Variants in KIF5C observed in about 807,000 individuals in gnomAD.
The protein encoded by KIF5C is kinesin family member 5C.
A neutral mutation model predicts 125.2 loss-of-function variants in KIF5C; 18 were observed. The ratio of observed to expected loss-of-function variants is 0.14; its 90% CI spans 0.10 to 0.21. The LOEUF (loss-of-function observed/expected upper bound fraction) is 0.21. Ranked by LOEUF, KIF5C falls within the 10% of genes least tolerant of loss-of-function variation. The probability of loss-of-function intolerance (pLI) is 1.00; values close to 1 mark genes in which losing one functional copy is unlikely to be tolerated. For synonymous variants in KIF5C, 405 were observed against 434.0 expected (o/e 0.93, Z 0.83); for missense variants, 780 against 1,183.8 (o/e 0.66, Z 5.01).
At chr2:148,980,482 A>G (rs1681200237) in intron 13 of KIF5C, among the ~76,000 whole-genome samples, 1 of 151,996 alleles carries the variant, frequency 6.6e-6, no homozygotes, top group African/African-American at 2.4e-5. Context: ...CTTTTAACTA[A>G]AGATACTGTT....
rs539875308 is a variant in KIF5C at position 148,998,706 on chromosome 2, G to A, written c.2210+197G>A. 6,483 of 918,770 alleles carry A rather than the reference G, an allele frequency of 7.1e-3. 38 individuals carry two copies. The highest frequency in any genetic ancestry group is 8.6e-3 in the Non-Finnish European group (5,453 of 637,000). 56.9% of individuals were successfully genotyped at this position (918,770 alleles called of 1,614,324 possible). ...TGGAGCTGAGCCTCCTGGAGCCCTGGCATGGCAGGTGGCAGGCGGGCCCAG... is the reference window on the plus strand; with the variant it reads ...TGGAGCTGAGCCTCCTGGAGCCCTGACATGGCAGGTGGCAGGCGGGCCCAG... On this transcript the variant is annotated intron_variant, in intron 19 of 25. Transcript: ENST00000435030.
In KIF5C at chr2:149,010,223, A is replaced by G. The variant is rs1296469600; in HGVS notation, c.2639A>G (p.Glu880Gly). Residue 880 changes from glutamate to glycine, a missense_variant, in exon 24 of 26, where the codon GAG becomes GGG. Around this residue, in one of 2 missense-constraint regions of KIF5C, gnomAD observed 573 missense variants for 742.6 expected, o/e 0.77. Coordinates refer to ENST00000435030, the MANE Select transcript of KIF5C (RefSeq NM_004522.3). ...ACGGCGGAGCGCGTCAAGGCTCTGG[A>G]GAGCGCGCTGAAGGAGGCCAAGGAG... Reference protein sequence around the residue: ...RATAERVKALESALKEAKENA... With the variant: ...RATAERVKALGSALKEAKENA... 1 of 1,568,896 alleles carries G rather than the reference A, an allele frequency of 6.4e-7. No individual in the cohort carries two copies. Among genetic ancestry groups the G allele is most frequent in the Non-Finnish European group, 8.6e-7 (1 of 1,157,832 alleles).
At chr2:148,915,565 G>A (rs1213973692) in intron 1 of KIF5C, among the ~76,000 whole-genome samples, 1 of 152,200 alleles carries the variant, frequency 6.6e-6, no homozygotes, top group African/African-American at 2.4e-5. Flanking sequence ...CACTCAATTT[G>A]TTGGCTGAGC....
At chr2:149,006,863 G>A (rs1004365932) in intron 22 of KIF5C, among the ~76,000 whole-genome samples, 1 of 152,154 alleles carries the variant, frequency 6.6e-6, no homozygotes, top group Admixed American at 6.5e-5. Flanking sequence ...GACATGGACT[G>A]AAAAGGTTCA....
intron 4 of KIF5C, 94 bp downstream of exon 4, chr2:148,937,482 T>C: frequency 6.9e-7 from 1 of 1,448,070 alleles, no homozygotes; most frequent in Non-Finnish European, 9.2e-7. Context: ...AAGATGATCC[T>C]ACTAATTTAA....
At chr2:148,918,379 C>A (rs765175675) in intron 1 of KIF5C, among the ~76,000 whole-genome samples, 1 of 152,148 alleles carries the variant, frequency 6.6e-6, no homozygotes, top group African/African-American at 2.4e-5. Context: ...TCTGTTTTAG[C>A]TGGTAAAATG....
Position 148,994,432 on chromosome 2 carries a change from G to A in KIF5C, c.1917G>A (p.Lys639=). Residue 639 remains lysine (K), a synonymous_variant, in exon 17 of 26, where the codon AAG becomes AAA. Transcript: ENST00000435030. ...TTGCTTGTTTAAAGCACGAAGCCAA[G>A]ATCAAGTCTCTGACAGACTACATGC... ...CQLLISQHEA[K]IKSLTDYMQN... is the part of the protein sequence containing the mutation. The A allele has an allele frequency of 4.5e-6, 7 of 1,564,464 alleles. No individual in the cohort carries two copies. The highest frequency in any genetic ancestry group is 5.2e-6 in the Non-Finnish European group (6 of 1,154,596).
At position 148,953,690 on chromosome 2, in the gene KIF5C, G is replaced by A. The variant is rs73962010; in HGVS notation, c.968+3228G>A. On this transcript the variant is annotated intron_variant, in intron 10 of 25. Coordinates refer to ENST00000435030, the MANE Select transcript of KIF5C (RefSeq NM_004522.3). ...ATTCCTTTGTGGTTCTTTCAAGGAC[G>A]TGAAGAGAGTACACGTTTGTTCTGC... is the stretch of plus-strand genomic sequence containing the variant. Among the ~76,000 whole-genome samples, 913 of 152,248 alleles carry A rather than the reference G, an allele frequency of 6.0e-3. 4 individuals carry two copies. The highest frequency in any genetic ancestry group is 0.021 in the African/African-American group (863 of 41,534).
At chr2:148,906,103 G>A (rs1355504819) in intron 1 of KIF5C, among the ~76,000 whole-genome samples, 1 of 152,188 alleles carries the variant, frequency 6.6e-6, no homozygotes, top group East Asian at 1.9e-4. Flanking sequence ...ACCTAGGAGG[G>A]AGGGGAGAGA....
In KIF5C at chr2:148,973,382, G is replaced by A. The variant is rs1680973899; in HGVS notation, c.1164G>A (p.Lys388=). The change falls in exon 12 of 26, where the codon AAG becomes AAA. Residue 388 remains lysine (K), a synonymous_variant. Coordinates refer to ENST00000435030, the MANE Select transcript of KIF5C (RefSeq NM_004522.3). ...EDEQISAKDQ[K]NLEPCDNTPI... ...AACAGATCAGTGCCAAGGACCAGAA[G>A]AACCTGGAGCCTTGTGATAACACCC... 1 of 1,613,752 alleles carries A rather than the reference G, an allele frequency of 6.2e-7. No individual in the cohort carries two copies. Among genetic ancestry groups the A allele is most frequent in the African/African-American group, 1.3e-5 (1 of 75,068 alleles).
intron 3 of KIF5C, among the ~76,000 whole-genome samples, chr2:148,934,440 C>T (rs1360954857): frequency 3.3e-5 from 5 of 151,116 alleles, no homozygotes; most frequent in Non-Finnish European, 7.4e-5. Context: ...CATTGTATGG[C>T]ATACCCCCTA....
chr2:149,004,340 T>C (rs1023486524), intron 21 of KIF5C, among the ~76,000 whole-genome samples: 3 of 152,230 alleles, frequency 2.0e-5, no homozygotes, highest in Non-Finnish European at 4.4e-5. Flanking sequence ...AGTAGGTCAA[T>C]TTAGACAAAG....
At chr2:148,892,526 C>A (rs1681738597) in intron 1 of KIF5C, among the ~76,000 whole-genome samples, 1 of 152,218 alleles carries the variant, frequency 6.6e-6, no homozygotes, top group African/African-American at 2.4e-5. Flanking sequence ...CTTGCCCTTG[C>A]ATTCATCTCA....
chr2:148,976,245 T>TTTTGTTTA (rs1553468292), intron 12 of KIF5C, among the ~76,000 whole-genome samples: 1 of 143,876 alleles, frequency 7.0e-6, no homozygotes, highest in African/African-American at 2.6e-5. Context: ...TATTATTTTG[T>TTTTGTTTA]TTTATTTATT....
At chr2:149,014,200 T>A (rs1682294584) in intron 25 of KIF5C, among the ~76,000 whole-genome samples, 1 of 152,186 alleles carries the variant, frequency 6.6e-6, no homozygotes, top group South Asian at 2.1e-4. Flanking sequence ...AGTTTTTGTA[T>A]TTTTAGTAGA....
At chr2:148,988,154 AT>A (rs61484332) in intron 15 of KIF5C, among the ~76,000 whole-genome samples, 10,027 of 145,504 alleles carry the variant, frequency 0.069, 703 homozygotes, top group African/African-American at 0.18. Context: ...CAGCAAACTG[AT>A]TTTTTTTTTT....
At chr2:148,996,657 CAGG>C (rs1023030671) in intron 17 of KIF5C, among the ~76,000 whole-genome samples, 1 of 152,224 alleles carries the variant, frequency 6.6e-6, no homozygotes, top group African/African-American at 2.4e-5. Flanking sequence ...TATGCTGAGA[CAGG>C]AGTGCCACAC....
intron 11 of KIF5C, among the ~76,000 whole-genome samples, chr2:148,964,847 C>T (rs112550764): frequency 9.3e-4 from 141 of 152,148 alleles, no homozygotes; most frequent in Non-Finnish European, 1.6e-3. Context: ...GTCATACCTT[C>T]GCATTTTTGA....
chr2:148,986,812 C>G (rs1314457718), intron 15 of KIF5C, among the ~76,000 whole-genome samples: 2 of 152,142 alleles, frequency 1.3e-5, no homozygotes, highest in Non-Finnish European at 2.9e-5. Context: ...CAGAAAAACC[C>G]ATATATCCCC....
Sources: gnomAD v4.1 joint callset for allele counts (sites outside exome capture counted in the v4.1 genomes callset) on GRCh38, gnomAD v4.1.1 for gene constraint, gnomAD v4.1.1 regional missense constraint, MANE v1.5 for transcripts, NCBI Gene and HGNC (gene_info 2026-07-23, HGNC 2026-07-21) for gene names.